Variants in CHST9 observed in about 807,000 individuals in gnomAD.
The protein encoded by CHST9 is GalNAc-4-sulfotransferase 2.
In CHST9, 41 loss-of-function variants were observed where a neutral mutation model predicts 44.4. The observed-to-expected ratio is 0.92, with a 90% CI of 0.72 to 1.20. CHST9 has a LOEUF of 1.20. Among genes scored for constraint, CHST9 ranks in the 50% most tolerant of loss-of-function variants. The pLI is 0.00. For missense variants in CHST9, 504 were observed against 516.5 expected (o/e 0.98, Z 0.23); for synonymous variants, 171 against 178.4 (o/e 0.96, Z 0.33).
At chr18:27,162,702 T>A (rs902080578) in intron 1 of CHST9, among the ~76,000 whole-genome samples, 4 of 152,234 alleles carry the variant, frequency 2.6e-5, no homozygotes, top group Non-Finnish European at 5.9e-5. Context: ...TTATTCTAGT[T>A]AGCCATTTGT....
At chr18:27,007,040 C>G (rs1287924295) in intron 4 of CHST9, among the ~76,000 whole-genome samples, 1 of 152,118 alleles carries the variant, frequency 6.6e-6, no homozygotes, top group Non-Finnish European at 1.5e-5. Context: ...CTTCAAGCTC[C>G]TAAAATTCCA....
intron 3 of CHST9, among the ~76,000 whole-genome samples, chr18:27,047,443 T>C (rs921359825): frequency 6.9e-6 from 1 of 144,902 alleles, no homozygotes; most frequent in African/African-American, 2.6e-5. Flanking sequence ...CTTTAAAAGG[T>C]TCCCAGAGAA....
At chr18:27,155,553 T>C (rs537687599) in intron 1 of CHST9, among the ~76,000 whole-genome samples, 1 of 152,318 alleles carries the variant, frequency 6.6e-6, no homozygotes, top group Non-Finnish European at 1.5e-5. Context: ...GTTGTTCTAG[T>C]TGAGCTTTCT....
At chr18:27,170,383 C>T (rs978798409) in intron 1 of CHST9, among the ~76,000 whole-genome samples, 3 of 152,126 alleles carry the variant, frequency 2.0e-5, no homozygotes, top group African/African-American at 7.2e-5. Flanking sequence ...CTCCATTGAT[C>T]CTCACGGAAT....
chr18:27,111,705 T>C (rs1261624506), intron 2 of CHST9, among the ~76,000 whole-genome samples: 2 of 152,162 alleles, frequency 1.3e-5, no homozygotes, highest in African/African-American at 4.8e-5. Context: ...ACATTATTTC[T>C]GAAAGCATCT....
chr18:26,966,141 T>C (rs369792559), intron 4 of CHST9, among the ~76,000 whole-genome samples: 34 of 152,334 alleles, frequency 2.2e-4, no homozygotes, highest in African/African-American at 7.5e-4. Flanking sequence ...GATCATTTAG[T>C]GTAGAAAGGG....
At chr18:27,065,745 G>A (rs747085296) in intron 2 of CHST9, among the ~76,000 whole-genome samples, 50 of 152,048 alleles carry the variant, frequency 3.3e-4, no homozygotes, top group Non-Finnish European at 6.8e-4. Flanking sequence ...CCCTTTTTAG[G>A]AAACGAAAAG....
rs532942995 is a variant in CHST9 at position 27,025,069 on chromosome 18, T to C, written c.161-912A>G. On this transcript the variant is annotated intron_variant, in intron 3 of 5. Transcript: ENST00000618847. The stretch of plus-strand genomic sequence containing the variant: ...AAAACATTATATATATATATGTATA[T>C]ATATAATATGTATAATACAACATAT... Among the ~76,000 whole-genome samples the C allele has an allele frequency of 1.7e-4, 25 of 147,964 alleles. No homozygotes were observed. In the South Asian group the frequency reaches 5.0e-3, roughly 30 times the overall value.
At chr18:27,102,888 T>C (rs2058187538) in intron 2 of CHST9, among the ~76,000 whole-genome samples, 1 of 152,190 alleles carries the variant, frequency 6.6e-6, no homozygotes, top group Non-Finnish European at 1.5e-5. Flanking sequence ...AATTTTAAAG[T>C]ACTGTTTGTG....
intron 2 of CHST9, among the ~76,000 whole-genome samples, chr18:27,119,653 G>GTTTTTTTTTTTTT (rs146966271): frequency 7.2e-6 from 1 of 138,296 alleles, no homozygotes; most frequent in African/African-American, 2.6e-5. Context: ...TTTGTTTTGG[G>GTTTTTTTTTTTTT]TTTTTTTTTT....
chr18:26,986,126 A>G (rs1283051837), intron 4 of CHST9, among the ~76,000 whole-genome samples: 1 of 152,244 alleles, frequency 6.6e-6, no homozygotes, highest in Non-Finnish European at 1.5e-5. Flanking sequence ...ATCAATAATC[A>G]GAAAAATAAA....
intron 3 of CHST9, among the ~76,000 whole-genome samples, chr18:27,043,811 T>C (rs1213560868): frequency 6.6e-6 from 1 of 152,076 alleles, no homozygotes; most frequent in Non-Finnish European, 1.5e-5. Flanking sequence ...ACTTACTGCA[T>C]GAAGTCCAAA....
chr18:27,035,151 T>C (rs1048689661), intron 3 of CHST9, among the ~76,000 whole-genome samples: 12 of 152,208 alleles, frequency 7.9e-5, no homozygotes, highest in African/African-American at 2.9e-4. Flanking sequence ...TTTCTCCACA[T>C]CCTTGCCAAC....
intron 2 of CHST9, among the ~76,000 whole-genome samples, chr18:27,104,801 T>C (rs961123526): frequency 2.6e-5 from 4 of 152,178 alleles, no homozygotes; most frequent in African/African-American, 9.7e-5. Context: ...ATTTAGAATA[T>C]GGCATCTTTT....
intron 2 of CHST9, among the ~76,000 whole-genome samples, chr18:27,131,686 C>T (rs886640094): frequency 3.3e-5 from 5 of 152,078 alleles, no homozygotes; most frequent in Admixed American, 6.5e-5. Flanking sequence ...ATGTTAAAAT[C>T]GAGATCATAA....
chr18:27,177,714 G>C (rs1336173869), intron 1 of CHST9, among the ~76,000 whole-genome samples: 1 of 151,866 alleles, frequency 6.6e-6, no homozygotes, highest in African/African-American at 2.4e-5. Context: ...AAGTACTATA[G>C]CAAAAGGAGG....
At chr18:27,054,890 T>A (rs772376672) in intron 2 of CHST9, among the ~76,000 whole-genome samples, 1 of 152,160 alleles carries the variant, frequency 6.6e-6, no homozygotes, top group Non-Finnish European at 1.5e-5. Flanking sequence ...GGTATATATA[T>A]ATGTACACAC....
chr18:27,146,905 TTC>T (rs2058616598), intron 1 of CHST9, among the ~76,000 whole-genome samples: 1 of 152,226 alleles, frequency 6.6e-6, no homozygotes, highest in Admixed American at 6.5e-5. Flanking sequence ...AATTATTTCA[TTC>T]TGTCATCTCT....
intron 2 of CHST9, among the ~76,000 whole-genome samples, chr18:27,095,050 G>T (rs773991612): frequency 2.6e-5 from 4 of 152,064 alleles, no homozygotes; most frequent in Non-Finnish European, 5.9e-5. Context: ...TTCTTTTGGG[G>T]AAGATCCCCT....
Sources: allele counts gnomAD v4.1 joint callset (sites outside exome capture counted in the v4.1 genomes callset), GRCh38; gene constraint gnomAD v4.1.1; transcripts MANE v1.5; gene names NCBI Gene and HGNC (gene_info 2026-07-23, HGNC 2026-07-21).